The following TRIM5 variants were observed in gnomAD, a reference collection of about 807,000 sequenced individuals.
TRIM5 encodes the protein tripartite motif containing 5.
A neutral mutation model predicts 35.6 loss-of-function variants in TRIM5; 31 were observed. The observed-to-expected ratio is 0.87, with a 90% CI of 0.65 to 1.18. The LOEUF is 1.18. TRIM5 is among the 50% of genes most tolerant of loss of function. The pLI is 0.00. For missense variants in TRIM5, 609 were observed against 591.6 expected (o/e 1.03, Z -0.31); for synonymous variants, 243 against 215.6 (o/e 1.13, Z -1.11).
chr11:5,659,772 G>C (rs1590212806), downstream of TRIM5, among the ~76,000 whole-genome samples: 1 of 150,566 alleles, frequency 6.6e-6, no homozygotes, highest in East Asian at 1.9e-4. Flanking sequence ...TTTTCAGGTA[G>C]TTAATTTGAT....
Position 5,665,114 on chromosome 11 carries a change from A to C in TRIM5, c.1177T>G (p.Tyr393Asp). The change falls in exon 8 of 8, where the codon TAT becomes GAT. Residue 393 changes from tyrosine (Y) to aspartate (D), a missense_variant. Physicochemically the swap from Tyr to Asp is radical, Grantham distance 160. Transcript: ENST00000380034. ...ACCCAGTAGCCGTATTTAGGTTGAT[A>C]ATTTTCATTTTTTTCAATATTACAC... ...AMCNIEKNENYQPKYGYWVIG... is the reference protein window; with the variant it reads ...AMCNIEKNENDQPKYGYWVIG... 1.2e-6 allele frequency: 2 copies of C among 1,614,086 alleles called. No individual in the cohort carries two copies. Among genetic ancestry groups the C allele is most frequent in the Non-Finnish European group, 1.7e-6 (2 of 1,180,020 alleles).
the TRIM5 span, among the ~76,000 whole-genome samples, chr11:5,595,582 T>A: frequency 6.6e-6 from 1 of 152,202 alleles, no homozygotes; most frequent in Non-Finnish European, 1.5e-5. Flanking sequence ...GTAATTAAAC[T>A]CTGATATGAT....
intron 6 of TRIM5, 92 bp from the exon 7 acceptor site, chr11:5,665,774 G>T: frequency 6.8e-7 from 1 of 1,465,574 alleles, no homozygotes; most frequent in Non-Finnish European, 9.0e-7. Context: ...GAGTAGGTAT[G>T]CCCTATGGTA....
At chr11:5,646,232 C>T in the TRIM5 span, among the ~76,000 whole-genome samples, 2 of 151,976 alleles carry the variant, frequency 1.3e-5, no homozygotes, top group East Asian at 3.9e-4. Flanking sequence ...CACAGTAGCA[C>T]TGGATGTCTG....
Position 5,680,019 on chromosome 11 carries a change from A to G in TRIM5, c.159T>C (p.Ser53=), listed in dbSNP as rs1272290624. The part of the protein sequence containing the change: ...HKKSMLDKGE[S]SCPVCRISYQ... ...AACTGATCCGGCACACAGGGCAGCT[A>G]CTCTCTCCTTTGTCTAGCATGGACT... The change falls in exon 2 of 8, where the codon AGT becomes AGC. Residue 53 remains serine, a synonymous_variant. Transcript: ENST00000380034. The G allele has an allele frequency of 1.2e-6, 2 of 1,613,522 alleles. No individual in the cohort carries two copies. Among genetic ancestry groups the G allele is most frequent in the Admixed American group, 1.7e-5 (1 of 59,946 alleles).
the TRIM5 span, among the ~76,000 whole-genome samples, chr11:5,593,345 G>A: frequency 6.6e-6 from 1 of 152,080 alleles, no homozygotes; most frequent in African/African-American, 2.4e-5. Context: ...CCATGAGAGG[G>A]GCAGAAACAT....
At chr11:5,629,819 T>C in the TRIM5 span, among the ~76,000 whole-genome samples, 1 of 152,212 alleles carries the variant, frequency 6.6e-6, no homozygotes, top group African/African-American at 2.4e-5. Flanking sequence ...GCCATTCTCC[T>C]GCCTTAGCCT....
the TRIM5 span, among the ~76,000 whole-genome samples, chr11:5,635,500 C>T: frequency 6.6e-6 from 1 of 152,136 alleles, no homozygotes; most frequent in Non-Finnish European, 1.5e-5. Flanking sequence ...TCGTGGTCCG[C>T]CTGCCTCGGC....
the TRIM5 span, among the ~76,000 whole-genome samples, chr11:5,631,109 C>G: frequency 1.3e-5 from 2 of 152,176 alleles, no homozygotes; most frequent in Non-Finnish European, 2.9e-5. Flanking sequence ...AATCTGTGAT[C>G]TATGTGTAAT....
chr11:5,633,402 A>G, the TRIM5 span, among the ~76,000 whole-genome samples: 3,989 of 152,172 alleles, frequency 0.026, 149 homozygotes, highest in African/African-American at 0.086. Context: ...AAGAATGAGA[A>G]ATTTTTGTCT....
rs537647835 is a variant in TRIM5 at position 5,675,965 on chromosome 11, T to G, written c.744+2239A>C. On this transcript the variant is annotated intron_variant, in intron 4 of 7. Coordinates refer to ENST00000380034, the MANE Select transcript of TRIM5 (RefSeq NM_033034.3). ...GAATATGCGGTGTTTGATTTTTTGTTCTTGCGATAGTTTACTGAGAATGAT... is the reference window on the plus strand; with the variant it reads ...GAATATGCGGTGTTTGATTTTTTGTGCTTGCGATAGTTTACTGAGAATGAT... 4.1e-5 allele frequency among the ~76,000 whole-genome samples: 5 copies of G among 121,762 alleles called. No homozygotes were observed. In the East Asian group the frequency reaches 8.7e-4, roughly 21 times the overall value. The allele number at this position is 121,762 out of a possible 152,430, so 79.9% of individuals were successfully genotyped here. A position where few individuals can be genotyped will look rare whatever the true frequency, so the allele number is the denominator to read the frequency against.
At chr11:5,610,099 AC>A in the TRIM5 span, 1 of 1,595,344 alleles carries the variant, frequency 6.3e-7, no homozygotes. Flanking sequence ...TGGTGGAGGA[AC>A]CCACAGTCAG....
chr11:5,660,306 T>C (rs1850771534), downstream of TRIM5, among the ~76,000 whole-genome samples: 8 of 152,138 alleles, frequency 5.3e-5, no homozygotes, highest in Admixed American at 3.9e-4. Flanking sequence ...CAAGTACATA[T>C]ATTGTTAACT....
At chr11:5,669,370 G>A (rs886664091) in intron 4 of TRIM5, among the ~76,000 whole-genome samples, 6 of 152,108 alleles carry the variant, frequency 3.9e-5, no homozygotes, top group East Asian at 1.9e-4. Context: ...GTGAGCCACC[G>A]CACCCAGCTA....
the TRIM5 span, chr11:5,611,300 C>T: frequency 7.4e-6 from 12 of 1,614,132 alleles, no homozygotes; most frequent in Non-Finnish European, 1.0e-5. Context: ...TTAATCCTTG[C>T]AACTGTGTAA....
chr11:5,680,200 C>A lies in TRIM5; in HGVS notation c.-23G>T. ...CATAGTAGCTATTCCACTGCTCCTGCCTGTCCTGGCTGCTGAGGTTCCTCT... is the reference window on the plus strand; with the variant it reads ...CATAGTAGCTATTCCACTGCTCCTGACTGTCCTGGCTGCTGAGGTTCCTCT... On this transcript the variant is annotated 5_prime_UTR_variant, in exon 2 of 8. Transcript: ENST00000380034. 6.4e-7 allele frequency: 1 copy of A among 1,563,852 alleles called. No homozygotes were observed. The highest frequency in any genetic ancestry group is 1.7e-4 in the Middle Eastern group (1 of 5,798).
At chr11:5,619,136 A>G in the TRIM5 span, among the ~76,000 whole-genome samples, 5 of 152,328 alleles carry the variant, frequency 3.3e-5, no homozygotes, top group East Asian at 7.7e-4. Flanking sequence ...CCTATTACCT[A>G]AAAAGAGCCT....
At chr11:5,613,528 G>A in the TRIM5 span, among the ~76,000 whole-genome samples, 1 of 152,158 alleles carries the variant, frequency 6.6e-6, no homozygotes, top group Non-Finnish European at 1.5e-5. Context: ...CGTTTCAATT[G>A]GAAGAGATAT....
At position 5,664,487 on chromosome 11, in the gene TRIM5, TA is replaced by T; in HGVS notation, c.*321del. ...GTTGAAAAGCTTTTCTTCATCTTCT[TA>T]GTCAGTGTCAGAGGCAATTGGGTGA... is the stretch of plus-strand genomic sequence containing the variant. On this transcript the variant is annotated 3_prime_UTR_variant, in exon 8 of 8. Coordinates refer to ENST00000380034, the MANE Select transcript of TRIM5 (RefSeq NM_033034.3). 9.5e-7 allele frequency: 1 copy of T among 1,054,430 alleles called. No homozygotes were observed. The allele number at this position is 1,054,430 out of a possible 1,614,324, so 65.3% of individuals were successfully genotyped here. A position where few individuals can be genotyped will look rare whatever the true frequency, so the allele number is the denominator to read the frequency against.
Sources: gnomAD v4.1 joint callset for allele counts (sites outside exome capture counted in the v4.1 genomes callset) on GRCh38, gnomAD v4.1.1 for gene constraint, MANE v1.5 for transcripts, NCBI Gene and HGNC (gene_info 2026-07-23, HGNC 2026-07-21) for gene names.